PTPRH: variants seen among roughly 807,000 people sequenced by gnomAD.
PTPRH encodes the protein protein tyrosine phosphatase receptor type H.
A neutral mutation model predicts 130.2 loss-of-function variants in PTPRH; 113 were observed. That is an observed-to-expected ratio of 0.87 (90% CI 0.75 to 1.01). The LOEUF is 1.01. Ranked by LOEUF, PTPRH falls within the 50% of genes least tolerant of loss-of-function variation. The pLI is 0.00. For synonymous variants in PTPRH, 556 were observed against 577.9 expected (o/e 0.96, Z 0.54); for missense variants, 1,430 against 1,425.0 (o/e 1.00, Z -0.06).
At chr19:55,184,007 G>T (rs1022008826) in intron 18 of PTPRH, among the ~76,000 whole-genome samples, 1 of 151,628 alleles carries the variant, frequency 6.6e-6, no homozygotes, top group South Asian at 2.1e-4. Flanking sequence ...GGACATTGCC[G>T]GGCACAGTGG....
chr19:55,181,757 G>A lies in PTPRH; in HGVS notation c.3345C>T (p.Val1115=), dbSNP rs951573235. ...VAAIQAHKLE[V] is the part of the protein sequence containing the mutation. ...GCCGACCCAGCCCCCTCGTCACTTA[G>A]ACCTCCAACTTGTGGGCCTGGATGG... The change falls in exon 20 of 20, where the codon GTC becomes GTT. Residue 1115 remains valine (V), a synonymous_variant. Coordinates refer to ENST00000376350, the MANE Select transcript of PTPRH (RefSeq NM_002842.5). The A allele has an allele frequency of 1.2e-6, 2 of 1,614,124 alleles. No individual in the cohort carries two copies. Among genetic ancestry groups the A allele is most frequent in the African/African-American group, 1.3e-5 (1 of 75,054 alleles).
At position 55,185,417 on chromosome 19, in the gene PTPRH, C is replaced by T. The variant is rs58893984; in HGVS notation, c.3062+85G>A. 4,959 of 1,472,492 alleles carry T rather than the reference C, an allele frequency of 3.4e-3. 147 individuals carry two copies. The African/African-American group carries it at 0.059, about 18-fold the overall frequency. The allele number at this position is 1,472,492 out of a possible 1,614,324, so 91.2% of individuals were successfully genotyped here. Reference sequence around the variant, plus strand: ...TCTCTCCCTCTTCACCTCCCCTGTACGTTCCCAGGGTCCCGTCTAACACAA... The same window carrying T: ...TCTCTCCCTCTTCACCTCCCCTGTATGTTCCCAGGGTCCCGTCTAACACAA... On this transcript the variant is annotated intron_variant, in intron 18 of 19. Transcript: ENST00000376350.
intron 17 of PTPRH, 59 bp downstream of exon 17, chr19:55,185,803 A>T: frequency 6.2e-7 from 1 of 1,612,604 alleles, no homozygotes; most frequent in Non-Finnish European, 8.5e-7. Context: ...AGGGTCCTGG[A>T]TGCATGGCAT....
chr19:55,197,218 TACC>T lies in PTPRH; in HGVS notation c.1886_1888del (p.Trp629del). On this transcript the variant is annotated inframe_deletion, in exon 9 of 20. Coordinates refer to ENST00000376350, the MANE Select transcript of PTPRH (RefSeq NM_002842.5). The stretch of plus-strand genomic sequence containing the variant: ...CCCGGGTTCCAGGGCCTCCACTTTG[TACC>T]ACGTCTCATTGGTCCTGCTGGTCTG... The T allele has an allele frequency of 5.0e-6, 8 of 1,614,264 alleles. No individual in the cohort carries two copies. The highest frequency in any genetic ancestry group is 6.8e-6 in the Non-Finnish European group (8 of 1,180,042).
rs767269805 is a variant in PTPRH, at chr19:55,206,812, G to C, written c.229C>G (p.Arg77Gly). The C allele has an allele frequency of 1.9e-6, 3 of 1,614,006 alleles. No individual in the cohort carries two copies. The highest frequency in any genetic ancestry group is 1.7e-5 in the Admixed American group (1 of 59,992). ...GTGACGTTGGTGGCTGTTGTGTTTC[G>C]AGTCTCTGTTGTGCCGCCGTCTCCA... ...CTGDGGTTET[R>G]NTTATNVTVD... Residue 77 changes from arginine (R) to glycine (G), a missense_variant, in exon 3 of 20, where the codon CGA (arginine) becomes GGA (glycine). By Grantham distance (125) the Arg-to-Gly change is moderately radical. Coordinates refer to ENST00000376350, the MANE Select transcript of PTPRH (RefSeq NM_002842.5).
In PTPRH at chr19:55,202,013, C is replaced by T. The variant is rs775141026; in HGVS notation, c.1153+43G>A. 10 of 1,605,996 alleles carry T rather than the reference C, an allele frequency of 6.2e-6. No homozygotes were observed. The South Asian group carries it at 1.1e-4, about 18-fold the overall frequency. On this transcript the variant is annotated intron_variant, in intron 6 of 19. Transcript: ENST00000376350. The stretch of plus-strand genomic sequence containing the variant: ...GTCTACATTCTACTGCTTACTGTCC[C>T]TTAAACAAATAAGAGATCAAACAAA...
rs768933548 is a variant in PTPRH, at chr19:55,206,684, C to T, written c.352+5G>A. 54 of 1,588,968 alleles carry T rather than the reference C, an allele frequency of 3.4e-5. No individual in the cohort carries two copies. The South Asian group carries it at 5.9e-4, about 17-fold the overall frequency. On this transcript the variant is annotated splice_donor_5th_base_variant and intron_variant, in intron 3 of 19. Transcript: ENST00000376350. ...AATAAAAATAAAGCAGTGGCTGCCT[C>T]TTACCTGTGGCAGTAGTGACAGTCC...
intron 12 of PTPRH, among the ~76,000 whole-genome samples, chr19:55,190,569 A>G (rs2086502797): frequency 9.2e-6 from 1 of 108,110 alleles, no homozygotes; most frequent in Non-Finnish European, 1.9e-5. Flanking sequence ...TATATATAAC[A>G]TATAATATAT....
In PTPRH at chr19:55,197,100, A is replaced by G; in HGVS notation, c.1990+17T>C. 1 of 1,611,680 alleles carries G rather than the reference A, an allele frequency of 6.2e-7. No homozygotes were observed. The highest frequency in any genetic ancestry group is 8.5e-7 in the Non-Finnish European group (1 of 1,178,038). On this transcript the variant is annotated intron_variant, in intron 9 of 19. Coordinates refer to ENST00000376350, the MANE Select transcript of PTPRH (RefSeq NM_002842.5). ...TAAGCCCAGTTCACCACTTGAAGGCAGGAAGGGGATTCTCACATGTGGACG... is the reference window on the plus strand; with the variant it reads ...TAAGCCCAGTTCACCACTTGAAGGCGGGAAGGGGATTCTCACATGTGGACG...
intron 17 of PTPRH, 31 bp downstream of exon 17, chr19:55,185,831 T>C: frequency 2.5e-6 from 4 of 1,613,972 alleles, no homozygotes; most frequent in Non-Finnish European, 3.4e-6. Flanking sequence ...AGGGGAAGGC[T>C]GAGGGCCAGG....
At chr19:55,193,689 C>T (rs1170068980) in intron 10 of PTPRH, among the ~76,000 whole-genome samples, 3 of 152,228 alleles carry the variant, frequency 2.0e-5, no homozygotes, top group Middle Eastern at 3.4e-3. Flanking sequence ...TCTGTAGTGC[C>T]GAGGCGGGGG....
At chr19:55,207,353 A>ACCGTCTTT (rs2087104286) in intron 1 of PTPRH, 154 bp from the exon 2 acceptor site, 2 of 762,424 alleles carry the variant, frequency 2.6e-6, no homozygotes, top group Non-Finnish European at 4.2e-6. Flanking sequence ...CACGACCTCG[A>ACCGTCTTT]CCGTCTTTCC....
rs1189529241 is a variant in PTPRH, at chr19:55,181,877, G to A, written c.3225C>T (p.Cys1075=). 2.5e-6 allele frequency: 4 copies of A among 1,614,090 alleles called. No homozygotes were observed. In the African/African-American group the frequency reaches 5.3e-5, roughly 22 times the overall value. Residue 1075 remains cysteine (C), a synonymous_variant, in exon 20 of 20, where the codon TGC becomes TGT. Transcript: ENST00000376350. ...TEAQYVFLHQ[C]ILRFLQQSAQ... ...CTGACTGTTGGAGGAACCGCAGGAT[G>A]CACTGATGCAGGAATACGTACTGAG...
intron 5 of PTPRH, among the ~76,000 whole-genome samples, chr19:55,202,761 A>G (rs6509935): frequency 0.55 from 83,100 of 151,908 alleles, 23,800 homozygotes; most frequent in African/African-American, 0.73. Flanking sequence ...TGTATCTGCC[A>G]GGCGCAGTGG....
At chr19:55,189,308 C>A (rs984895448) in intron 12 of PTPRH, among the ~76,000 whole-genome samples, 3 of 152,134 alleles carry the variant, frequency 2.0e-5, no homozygotes, top group African/African-American at 7.2e-5. Context: ...TATTACAAAT[C>A]TCTTCCACAT....
At chr19:55,200,654 A>G (rs1448637385) in intron 6 of PTPRH, 152 bp from the exon 7 acceptor site, 18 of 937,244 alleles carry the variant, frequency 1.9e-5, no homozygotes, top group Non-Finnish European at 2.8e-5. Flanking sequence ...TGTTTCTCAG[A>G]CTAATGTGCC....
rs150271594 is a variant in PTPRH at position 55,202,660 on chromosome 19, CAT to C, written c.887-340_887-339del. ...ATACACACACATATATATACATACA[CAT>C]ATATATATATATTTTGTGGGTATAT... On this transcript the variant is annotated intron_variant, in intron 5 of 19. Coordinates refer to ENST00000376350, the MANE Select transcript of PTPRH (RefSeq NM_002842.5). Among the ~76,000 whole-genome samples, 919 of 151,066 alleles carry C rather than the reference CAT, an allele frequency of 6.1e-3. 12 individuals carry two copies. The highest frequency in any genetic ancestry group is 0.021 in the African/African-American group (870 of 41,168).
Position 55,205,313 on chromosome 19 carries a change from G to A in PTPRH, c.619+13C>T, listed in dbSNP as rs2288517. ...AACAAGTAAGAGCAAAACAAATGGC[G>A]ACTGCCTCTCACCTGTGGTGGCATT... is the stretch of plus-strand genomic sequence containing the variant. On this transcript the variant is annotated intron_variant, in intron 4 of 19. Transcript: ENST00000376350. 1.7e-4 allele frequency: 282 copies of A among 1,613,732 alleles called. No individual in the cohort carries two copies. The highest frequency in any genetic ancestry group is 1.3e-4 in the Admixed American group (8 of 59,984).
chr19:55,182,231 G>T, intron 18 of PTPRH, 80 bp from the exon 19 acceptor site: 1 of 1,481,820 alleles, frequency 6.7e-7, no homozygotes. Flanking sequence ...AGGGATCTGT[G>T]TTTGAATGAT....
Sources: allele counts gnomAD v4.1 joint callset (sites outside exome capture counted in the v4.1 genomes callset), GRCh38; gene constraint gnomAD v4.1.1; transcripts MANE v1.5; gene names NCBI Gene and HGNC (gene_info 2026-07-23, HGNC 2026-07-21).